Variants in VAV1 observed in about 807,000 individuals in gnomAD.
The protein encoded by VAV1 is proto-oncogene vav.
A neutral mutation model predicts 128.1 loss-of-function variants in VAV1; 33 were observed. The ratio of observed to expected loss-of-function variants is 0.26; its 90% CI spans 0.20 to 0.34. The LOEUF is 0.34. Ranked by LOEUF, VAV1 falls within the 10% of genes least tolerant of loss-of-function variation. The pLI, the probability that VAV1 is intolerant of heterozygous loss-of-function variation, is 1.00. For missense variants in VAV1, 715 were observed against 1,093.7 expected (o/e 0.65, Z 4.88); for synonymous variants, 394 against 409.8 (o/e 0.96, Z 0.47).
intron 14 of VAV1, 45 bp downstream of exon 14, chr19:6,829,963 C>T: frequency 6.2e-7 from 1 of 1,611,346 alleles, no homozygotes; most frequent in Non-Finnish European, 8.5e-7. Context: ...ACGCAGTCGG[C>T]AGCTTAGCCC....
intron 8 of VAV1, 34 bp downstream of exon 8, chr19:6,825,440 G>A: frequency 6.3e-7 from 1 of 1,576,588 alleles, no homozygotes; most frequent in Non-Finnish European, 8.7e-7. Context: ...AAGCTCTGGG[G>A]TCACTCTGTC....
intron 1 of VAV1, among the ~76,000 whole-genome samples, chr19:6,792,566 CTGTTT>C (rs59781838): frequency 2.0e-5 from 3 of 151,068 alleles, no homozygotes; most frequent in Admixed American, 6.6e-5. Flanking sequence ...GTTCTTTTTT[CTGTTT>C]TGTTTTGTTT....
chr19:6,834,194 C>T (rs940458063), intron 19 of VAV1, among the ~76,000 whole-genome samples: 1 of 151,544 alleles, frequency 6.6e-6, no homozygotes, highest in African/African-American at 2.4e-5. Flanking sequence ...CTACGTTGCC[C>T]AGCCATACTG....
intron 14 of VAV1, 67 bp from the exon 15 acceptor site, chr19:6,832,024 T>A: frequency 8.8e-7 from 1 of 1,137,822 alleles, no homozygotes; most frequent in Non-Finnish European, 1.2e-6. Context: ...GAGGGAGGGG[T>A]GGGTGGGTGT....
rs866422844 is a variant in VAV1, at chr19:6,779,836, G to A, written c.204+6825G>A. On this transcript the variant is annotated intron_variant, in intron 1 of 26. Coordinates refer to ENST00000602142, the MANE Select transcript of VAV1 (RefSeq NM_005428.4). ...CTTCTAAAAAATAATAAAAGGCCGG[G>A]CACGGTGACTCACACCTGTAATTCC... Among the ~76,000 whole-genome samples, 23 of 149,274 alleles carry A rather than the reference G, an allele frequency of 1.5e-4. 1 individual carries two copies. Among genetic ancestry groups the A allele is most frequent in the South Asian group, 8.6e-4 (4 of 4,636 alleles).
chr19:6,834,154 T>G (rs916820954), intron 19 of VAV1, among the ~76,000 whole-genome samples: 1 of 147,790 alleles, frequency 6.8e-6, no homozygotes, highest in Non-Finnish European at 1.5e-5. Flanking sequence ...CCTAGCTAAT[T>G]TTTTTTTTTT....
chr19:6,833,892 T>G lies in VAV1; in HGVS notation c.1732-16T>G. ...CTGGGCATAGGTAGACAGGCTTTCT[T>G]TGTTTCTCCTTCCAGGACAAACTAC... On this transcript the variant is annotated splice_polypyrimidine_tract_variant and intron_variant, in intron 18 of 26. Coordinates refer to ENST00000602142, the MANE Select transcript of VAV1 (RefSeq NM_005428.4). 2 of 1,614,090 alleles carry G rather than the reference T, an allele frequency of 1.2e-6. No homozygotes were observed. The highest frequency in any genetic ancestry group is 1.7e-6 in the Non-Finnish European group (2 of 1,180,036).
intron 1 of VAV1, among the ~76,000 whole-genome samples, chr19:6,801,647 A>G (rs1193733410): frequency 1.3e-5 from 2 of 151,716 alleles, no homozygotes; most frequent in South Asian, 2.1e-4. Context: ...TATCTCCCCA[A>G]CCAAGCCCTG....
Position 6,828,083 on chromosome 19 carries a change from C to A in VAV1, c.935C>A (p.Ser312Tyr), listed in dbSNP as rs1447375449. The change falls in exon 10 of 27, where the codon TCT (serine) becomes TAT (tyrosine). Residue 312 changes from serine to tyrosine, a missense_variant. Transcript: ENST00000602142. The surrounding 1 kb of genome is among the most constrained non-coding windows in gnomAD (Gnocchi z 4.5). ...EDVQMKLEECSQRANNGRFTL... is the reference protein window; with the variant it reads ...EDVQMKLEECYQRANNGRFTL... Reference sequence around the variant, plus strand: ...TGTTCTCTGATTCCCCAGGAATGTTCTCAGAGAGCCAACAACGGGAGGTTC... The same window carrying A: ...TGTTCTCTGATTCCCCAGGAATGTTATCAGAGAGCCAACAACGGGAGGTTC... 1 of 1,614,176 alleles carries A rather than the reference C, an allele frequency of 6.2e-7. No homozygotes were observed. Among genetic ancestry groups the A allele is most frequent in the South Asian group, 1.1e-5 (1 of 91,086 alleles).
chr19:6,829,875 T>A lies in VAV1; in HGVS notation c.1355T>A (p.Phe452Tyr). 6.2e-7 allele frequency: 1 copy of A among 1,614,160 alleles called. No homozygotes were observed. Among genetic ancestry groups the A allele is most frequent in the Non-Finnish European group, 8.5e-7 (1 of 1,180,010 alleles). The change falls in exon 14 of 27, where the codon TTC (phenylalanine) becomes TAC (tyrosine). Residue 452 changes from phenylalanine to tyrosine, a missense_variant. By Grantham distance (22) the Phe-to-Tyr change is conservative. Coordinates refer to ENST00000602142, the MANE Select transcript of VAV1 (RefSeq NM_005428.4). ...DLKDFVNLHS[F>Y]QVRDDSSGDR... The stretch of plus-strand genomic sequence containing the variant: ...AAGGACTTTGTAAACCTGCACAGCT[T>A]CCAGGTTCGGGATGACTCTTCAGGA...
chr19:6,831,968 G>C, intron 14 of VAV1, 123 bp from the exon 15 acceptor site: 2 of 707,808 alleles, frequency 2.8e-6, no homozygotes, highest in Non-Finnish European at 4.7e-6. Context: ...ATCCATGCAT[G>C]GTGCTAGGGG....
chr19:6,831,539 C>G (rs1972054734), intron 14 of VAV1, among the ~76,000 whole-genome samples: 1 of 152,178 alleles, frequency 6.6e-6, no homozygotes, highest in Non-Finnish European at 1.5e-5. Context: ...GTCTCAAACT[C>G]CTGACCTCGT....
In VAV1 at chr19:6,825,418, C is replaced by T. The variant is rs1388867880; in HGVS notation, c.827+12C>T. On this transcript the variant is annotated intron_variant, in intron 8 of 26. Coordinates refer to ENST00000602142, the MANE Select transcript of VAV1 (RefSeq NM_005428.4). Reference sequence around the variant, plus strand: ...AAATACAAGGAGAGGTGAGACCCAGCTGGCCAGACTGAAGCTCTGGGGTCA... The same window carrying T: ...AAATACAAGGAGAGGTGAGACCCAGTTGGCCAGACTGAAGCTCTGGGGTCA... 1 of 1,603,912 alleles carries T rather than the reference C, an allele frequency of 6.2e-7. No homozygotes were observed. Among genetic ancestry groups the T allele is most frequent in the Non-Finnish European group, 8.5e-7 (1 of 1,172,318 alleles).
chr19:6,830,042 A>T, intron 14 of VAV1, 124 bp downstream of exon 14: 1 of 1,455,040 alleles, frequency 6.9e-7, no homozygotes, highest in Admixed American at 2.1e-5. Context: ...TCCACTCAAC[A>T]GGTGTTTTTT....
intron 1 of VAV1, among the ~76,000 whole-genome samples, chr19:6,805,496 C>A (rs1251125991): frequency 6.6e-6 from 1 of 150,808 alleles, no homozygotes; most frequent in Non-Finnish European, 1.5e-5. Flanking sequence ...AATCCCAGGA[C>A]CTTAGGAGGC....
At chr19:6,829,686 G>A (rs1452958583) in intron 13 of VAV1, 100 bp from the exon 14 acceptor site, 7 of 1,556,292 alleles carry the variant, frequency 4.5e-6, no homozygotes, top group Non-Finnish European at 6.1e-6. Context: ...CAAGGAGGAG[G>A]AGAAGGGCAG....
At chr19:6,840,306 T>C (rs1599674070) in intron 21 of VAV1, among the ~76,000 whole-genome samples, 2 of 143,298 alleles carry the variant, frequency 1.4e-5, no homozygotes, top group Non-Finnish European at 3.0e-5. Flanking sequence ...TTTCTTTCTT[T>C]TTTTTTTTTT....
intron 1 of VAV1, among the ~76,000 whole-genome samples, chr19:6,800,139 T>G (rs1231893851): frequency 2.6e-5 from 4 of 151,954 alleles, no homozygotes; most frequent in African/African-American, 9.7e-5. Context: ...TTCTTAATTT[T>G]TTTTTTTAAT....
chr19:6,793,001 C>T (rs2051827731), intron 1 of VAV1, among the ~76,000 whole-genome samples: 1 of 152,038 alleles, frequency 6.6e-6, no homozygotes, highest in African/African-American at 2.4e-5. Flanking sequence ...CCAGTCACAG[C>T]TGTGGGATCT....
Sources: allele counts gnomAD v4.1 joint callset (sites outside exome capture counted in the v4.1 genomes callset), GRCh38; gene constraint gnomAD v4.1.1; non-coding constraint Gnocchi (gnomAD v3.1); transcripts MANE v1.5; gene names NCBI Gene and HGNC (gene_info 2026-07-23, HGNC 2026-07-21).